The following FSTL4 variants were observed in gnomAD, a reference collection of about 807,000 sequenced individuals.
FSTL4 encodes follistatin like 4.
In FSTL4, 28 loss-of-function variants were observed where a neutral mutation model predicts 78.2. That is an observed-to-expected ratio of 0.36 (90% CI 0.27 to 0.49). The LOEUF (loss-of-function observed/expected upper bound fraction) is 0.49. FSTL4 is among the 20% of genes least tolerant of loss of function. The pLI is 0.98. For synonymous variants in FSTL4, 422 were observed against 440.5 expected (o/e 0.96, Z 0.53); for missense variants, 922 against 1,084.9 (o/e 0.85, Z 2.11).
chr5:133,715,998 C>T, the FSTL4 span, among the ~76,000 whole-genome samples: 4 of 152,298 alleles, frequency 2.6e-5, no homozygotes, highest in South Asian at 8.3e-4. Flanking sequence ...ATGCCGGCTC[C>T]TTAAGAGTTC....
At position 133,225,082 on chromosome 5, in the gene FSTL4, G is replaced by C. The variant is rs72803107; in HGVS notation, c.1312+68C>G. Reference sequence around the variant, plus strand: ...TGGCAGCTGTGGCCCTGGTCAATTGGTGCCCTCCCTTGCCACCCAACACCT... The same window carrying C: ...TGGCAGCTGTGGCCCTGGTCAATTGCTGCCCTCCCTTGCCACCCAACACCT... On this transcript the variant is annotated intron_variant, in intron 10 of 15. Transcript: ENST00000265342. This position sits in a 1 kb window ranked among gnomAD's most constrained non-coding sequence, Gnocchi z 4.6. The C allele has an allele frequency of 6.3e-7, 1 of 1,584,322 alleles. No individual in the cohort carries two copies.
chr5:133,320,745 C>A (rs952598152), intron 4 of FSTL4, among the ~76,000 whole-genome samples: 1 of 152,136 alleles, frequency 6.6e-6, no homozygotes, highest in African/African-American at 2.4e-5. Flanking sequence ...TGGTGGCTCA[C>A]GCCTGTAATC....
chr5:133,307,891 C>T (rs1233885042), intron 6 of FSTL4, among the ~76,000 whole-genome samples: 1 of 152,040 alleles, frequency 6.6e-6, no homozygotes, highest in African/African-American at 2.4e-5. Flanking sequence ...CGCCATTCTC[C>T]TGCCTCAGCC....
At chr5:133,343,055 A>T (rs1580634328) in intron 4 of FSTL4, among the ~76,000 whole-genome samples, 1 of 151,946 alleles carries the variant, frequency 6.6e-6, no homozygotes, top group African/African-American at 2.4e-5. Context: ...GCCAGGGACC[A>T]CCCCTGCCGG....
At chr5:133,436,880 A>C (rs142025930) in intron 3 of FSTL4, among the ~76,000 whole-genome samples, 156 of 152,340 alleles carry the variant, frequency 1.0e-3, no homozygotes, top group African/African-American at 3.0e-3. Context: ...TTAGGATGTG[A>C]TTATGAGAGT....
intron 6 of FSTL4, among the ~76,000 whole-genome samples, chr5:133,278,359 G>T (rs1752935341): frequency 6.6e-6 from 1 of 152,236 alleles, no homozygotes; most frequent in Non-Finnish European, 1.5e-5. Context: ...CTCGGCTGCA[G>T]TCTTGGCTTG....
chr5:133,472,048 A>C (rs1757836521), intron 3 of FSTL4, among the ~76,000 whole-genome samples: 1 of 152,206 alleles, frequency 6.6e-6, no homozygotes, highest in Admixed American at 6.5e-5. Flanking sequence ...ACACTATAGA[A>C]GGAATCTGGT....
At chr5:133,656,614 G>A in the FSTL4 span, among the ~76,000 whole-genome samples, 2 of 152,134 alleles carry the variant, frequency 1.3e-5, no homozygotes, top group Non-Finnish European at 2.9e-5. Flanking sequence ...AACAGGCTTG[G>A]TGTGCTCAAG....
the FSTL4 span, among the ~76,000 whole-genome samples, chr5:133,776,087 G>A: frequency 2.0e-5 from 3 of 152,050 alleles, no homozygotes; most frequent in Admixed American, 2.0e-4. Flanking sequence ...AGTAGAGCAG[G>A]GGCTGAACAT....
chr5:133,220,833 GA>G lies in FSTL4; in HGVS notation c.1372del (p.Ser458ProfsTer27). The G allele has an allele frequency of 6.2e-7, 1 of 1,611,954 alleles. No individual in the cohort carries two copies. Among genetic ancestry groups the G allele is most frequent in the Non-Finnish European group, 8.5e-7 (1 of 1,178,018 alleles). On this transcript the variant is annotated frameshift_variant, in exon 12 of 16. Transcript: ENST00000265342. LOFTEE classifies it high-confidence loss of function. ...LSVGNMFYVF[S>X]DDGIIVIHPV... is the part of the protein sequence containing the mutation. Reference sequence around the variant, plus strand: ...ATGGATGACGATGATACCGTCGTCGGAGAAGACATAGAACATGTTTCCCACG... The same window carrying G: ...ATGGATGACGATGATACCGTCGTCGGGAAGACATAGAACATGTTTCCCACG...
chr5:133,737,896 C>T, the FSTL4 span, among the ~76,000 whole-genome samples: 11 of 152,276 alleles, frequency 7.2e-5, no homozygotes, highest in Admixed American at 6.5e-4. Context: ...AGCCACCGCG[C>T]CCGGCCTGAT....
chr5:133,293,132 C>G (rs1753307362), intron 6 of FSTL4, among the ~76,000 whole-genome samples: 1 of 152,244 alleles, frequency 6.6e-6, no homozygotes, highest in Non-Finnish European at 1.5e-5. Context: ...TTCCGGCACC[C>G]CCAGAGCTAA....
intron 6 of FSTL4, among the ~76,000 whole-genome samples, chr5:133,307,944 C>T (rs1408954537): frequency 6.6e-6 from 1 of 152,282 alleles, no homozygotes; most frequent in South Asian, 2.1e-4. Context: ...CCAAGCCCGG[C>T]TAAGTTTTTG....
chr5:133,605,164 C>T (rs1760952475), intron 1 of FSTL4, among the ~76,000 whole-genome samples: 1 of 152,178 alleles, frequency 6.6e-6, no homozygotes, highest in South Asian at 2.1e-4. Flanking sequence ...GATTATGAAA[C>T]ATAACCAGAT....
the FSTL4 span, among the ~76,000 whole-genome samples, chr5:133,640,794 G>T: frequency 6.6e-6 from 1 of 152,182 alleles, no homozygotes; most frequent in Non-Finnish European, 1.5e-5. Flanking sequence ...ACCATTGGCC[G>T]CTGGGCAAAG....
chr5:133,205,026 A>G lies in FSTL4; in HGVS notation c.1717-2984T>C, dbSNP rs74427175. Among the ~76,000 whole-genome samples the G allele has an allele frequency of 3.2e-4, 48 of 152,210 alleles. No individual in the cohort carries two copies. In the South Asian group the frequency reaches 9.3e-3, roughly 30 times the overall value. On this transcript the variant is annotated intron_variant, in intron 14 of 15. Transcript: ENST00000265342. The stretch of plus-strand genomic sequence containing the variant: ...TTTTTTGTGATAATGCATATCCTAG[A>G]CTTTCCAGTTATGAGAAGGGAAGCA...
intron 7 of FSTL4, among the ~76,000 whole-genome samples, chr5:133,235,255 G>A (rs917912051): frequency 1.3e-5 from 2 of 152,140 alleles, no homozygotes; most frequent in African/African-American, 4.8e-5. Context: ...CGAGGCAGGT[G>A]GATCACTTGA....
chr5:133,793,913 A>C, the FSTL4 span, among the ~76,000 whole-genome samples: 1 of 152,310 alleles, frequency 6.6e-6, no homozygotes, highest in South Asian at 2.1e-4. Flanking sequence ...CTCTCATTTG[A>C]ATATTGAATT....
At chr5:133,817,786 G>T in the FSTL4 span, among the ~76,000 whole-genome samples, 1 of 152,230 alleles carries the variant, frequency 6.6e-6, no homozygotes, top group African/African-American at 2.4e-5. Flanking sequence ...TGGAGGGGCA[G>T]GTGAAAGCTG....
Sources: gnomAD v4.1 joint callset for allele counts (sites outside exome capture counted in the v4.1 genomes callset) on GRCh38, gnomAD v4.1.1 for gene constraint, Gnocchi (gnomAD v3.1) non-coding constraint, MANE v1.5 for transcripts, NCBI Gene and HGNC (gene_info 2026-07-23, HGNC 2026-07-21) for gene names.